CHODL: variants seen among roughly 807,000 people sequenced by gnomAD.
The protein encoded by CHODL is chondrolectin, also known as transmembrane protein MT75.
A neutral mutation model predicts 34.5 loss-of-function variants in CHODL; 29 were observed. The observed-to-expected ratio is 0.84, with a 90% CI of 0.63 to 1.15. CHODL has a LOEUF of 1.15. Among genes scored for constraint, CHODL ranks in the 50% most tolerant of loss-of-function variants. The pLI is 0.00. For missense variants in CHODL, 332 were observed against 332.5 expected (o/e 1.00, Z 0.01); for synonymous variants, 125 against 116.1 (o/e 1.08, Z -0.49).
chr21:18,013,928 C>A (rs1374860924), intron 1 of CHODL, among the ~76,000 whole-genome samples: 11 of 152,104 alleles, frequency 7.2e-5, no homozygotes, highest in Non-Finnish European at 1.5e-4. Context: ...AGCCACCGCG[C>A]CTGGCTATTT....
chr21:18,038,662 C>T (rs2064339487), intron 2 of CHODL, among the ~76,000 whole-genome samples: 1 of 151,656 alleles, frequency 6.6e-6, no homozygotes, highest in Non-Finnish European at 1.5e-5. Flanking sequence ...TACTTGCCAA[C>T]AATCACTAAA....
chr21:17,990,391 TTTTCC>T (rs1334113442), intron 1 of CHODL, among the ~76,000 whole-genome samples: 1 of 152,088 alleles, frequency 6.6e-6, no homozygotes, highest in Non-Finnish European at 1.5e-5. Flanking sequence ...GCTGAAGATA[TTTTCC>T]TGTCAATTCT....
intron 2 of CHODL, among the ~76,000 whole-genome samples, chr21:18,210,134 A>G (rs2073757317): frequency 6.6e-6 from 1 of 152,114 alleles, no homozygotes; most frequent in Non-Finnish European, 1.5e-5. Context: ...TCATCCCAGG[A>G]TGGTGAAGCT....
intron 2 of CHODL, among the ~76,000 whole-genome samples, chr21:18,196,827 GCAA>G: frequency 6.6e-6 from 1 of 152,126 alleles, no homozygotes; most frequent in Non-Finnish European, 1.5e-5. Context: ...GGGGGTGGGA[GCAA>G]TGGGGTGATG....
At chr21:18,147,653 T>C (rs985065923) in intron 2 of CHODL, among the ~76,000 whole-genome samples, 3 of 152,252 alleles carry the variant, frequency 2.0e-5, no homozygotes, top group African/African-American at 7.2e-5. Flanking sequence ...GCAAATATTT[T>C]AGGCTTTGTA....
intron 1 of CHODL, among the ~76,000 whole-genome samples, chr21:18,009,069 A>AT (rs1875678813): frequency 6.6e-6 from 1 of 152,204 alleles, no homozygotes; most frequent in East Asian, 1.9e-4. Context: ...TGGTACATTG[A>AT]TTTTCTAATT....
intron 1 of CHODL, among the ~76,000 whole-genome samples, chr21:17,963,947 T>C (rs1305078799): frequency 1.3e-5 from 2 of 152,186 alleles, no homozygotes; most frequent in East Asian, 3.9e-4. Context: ...ATGGCTTTTT[T>C]TTCTTCCATC....
intron 2 of CHODL, among the ~76,000 whole-genome samples, chr21:18,150,857 G>A (rs886080075): frequency 3.6e-4 from 55 of 151,952 alleles, no homozygotes; most frequent in Admixed American, 2.4e-3. Flanking sequence ...AGGCCGAGGC[G>A]GGTGGATCAT....
At chr21:18,111,487 A>G (rs1022331342) in intron 2 of CHODL, among the ~76,000 whole-genome samples, 4 of 152,160 alleles carry the variant, frequency 2.6e-5, no homozygotes, top group African/African-American at 9.7e-5. Flanking sequence ...GCGAAGAGCT[A>G]ACTTCTCTTA....
chr21:18,041,591 G>A (rs553864224), intron 2 of CHODL, among the ~76,000 whole-genome samples: 1 of 151,824 alleles, frequency 6.6e-6, no homozygotes, highest in South Asian at 2.1e-4. Flanking sequence ...AAAAGTCTAA[G>A]CACAATATAT....
chr21:18,113,511 C>A (rs949292762), intron 2 of CHODL, among the ~76,000 whole-genome samples: 2 of 152,120 alleles, frequency 1.3e-5, no homozygotes, highest in Admixed American at 6.6e-5. Flanking sequence ...AAGAAACTTA[C>A]AATCATGGCA....
chr21:18,115,259 T>G (rs886258457), intron 2 of CHODL, among the ~76,000 whole-genome samples: 5 of 152,182 alleles, frequency 3.3e-5, no homozygotes, highest in Non-Finnish European at 7.4e-5. Flanking sequence ...TCCTGAGGAC[T>G]TGTGAAAATA....
At chr21:18,209,294 G>A (rs114595189) in intron 2 of CHODL, among the ~76,000 whole-genome samples, 6,685 of 152,104 alleles carry the variant, frequency 0.044, 177 homozygotes, top group Non-Finnish European at 0.06. Flanking sequence ...GTCTCTTCTC[G>A]TGGCCACTAC....
intron 1 of CHODL, among the ~76,000 whole-genome samples, chr21:17,992,715 G>GTTTTTTTTTTTTTTTTTTT (rs1237074983): frequency 3.2e-5 from 1 of 31,510 alleles, no homozygotes; most frequent in Admixed American, 4.5e-4. Context: ...TTCTGGTGGA[G>GTTTTTTTTTTTTTTTTTTT]TTGTTTTTTT....
chr21:17,995,790 C>A (rs1374764353), intron 1 of CHODL, among the ~76,000 whole-genome samples: 4 of 152,254 alleles, frequency 2.6e-5, no homozygotes, highest in African/African-American at 9.6e-5. Flanking sequence ...GGGTTTAATG[C>A]CTGTGGCCTA....
intron 2 of CHODL, among the ~76,000 whole-genome samples, chr21:18,200,954 C>G (rs2073644033): frequency 6.6e-6 from 1 of 152,078 alleles, no homozygotes; most frequent in Non-Finnish European, 1.5e-5. Context: ...GAATTATTCC[C>G]CAGAACCGTC....
At chr21:18,047,541 C>T (rs1401973816) in intron 2 of CHODL, among the ~76,000 whole-genome samples, 2 of 151,820 alleles carry the variant, frequency 1.3e-5, no homozygotes, top group Non-Finnish European at 2.9e-5. Flanking sequence ...TCTGGCTGAG[C>T]AGAGCACAGC....
In CHODL at chr21:17,956,048, C is replaced by T. The variant is rs1027851422; in HGVS notation, c.-145+38648C>T. Among the ~76,000 whole-genome samples, 2 of 136,162 alleles carry T rather than the reference C, an allele frequency of 1.5e-5. 1 individual carries two copies. The highest frequency in any genetic ancestry group is 3.3e-5 in the Non-Finnish European group (2 of 60,000). The allele number at this position is 136,162 out of a possible 152,430, so 89.3% of individuals were successfully genotyped here. A position where few individuals can be genotyped will look rare whatever the true frequency, so the allele number is the denominator to read the frequency against. On this transcript the variant is annotated intron_variant, in intron 1 of 6. Coordinates refer to the CHODL transcript ENST00000400127. ...TATGGGGATTGCAGGCTAGGAGTAT[C>T]GAGTCAAAAGAGAAGCATCTCCATC... is the stretch of plus-strand genomic sequence containing the variant.
chr21:18,245,933 G>A lies in CHODL; in HGVS notation c.79+631G>A, dbSNP rs1344927324. 12 of 1,535,504 alleles carry A rather than the reference G, an allele frequency of 7.8e-6. No homozygotes were observed. In the Admixed American group the frequency reaches 7.8e-5, roughly 10 times the overall value. ...AAATGAAGTCAGCTGGAGTTGGGCC[G>A]AGGTATACTTGGTAATGACTGCAGG... On this transcript the variant is annotated intron_variant, in intron 1 of 5. Transcript: ENST00000299295.
Sources: allele counts gnomAD v4.1 joint callset (sites outside exome capture counted in the v4.1 genomes callset), GRCh38; gene constraint gnomAD v4.1.1; transcripts MANE v1.5; gene names NCBI Gene and HGNC (gene_info 2026-07-23, HGNC 2026-07-21).